The following DACH1 variants were observed in gnomAD, a reference collection of about 807,000 sequenced individuals.
The protein encoded by DACH1 is dachshund family transcription factor 1.
In DACH1, 12 loss-of-function variants were observed where a neutral mutation model predicts 54.2. The ratio of observed to expected loss-of-function variants is 0.22; its 90% CI spans 0.14 to 0.36. The LOEUF is 0.36. Among genes scored for constraint, DACH1 ranks in the 10% least tolerant of loss-of-function variants. The pLI is 1.00. For missense variants in DACH1, 805 were observed against 929.8 expected, an observed-to-expected ratio of 0.87 and a Z score of 1.75; for synonymous variants, 386 against 366.2, an observed-to-expected ratio of 1.05 and a Z score of -0.62.
intron 1 of DACH1, among the ~76,000 whole-genome samples, chr13:71,815,977 C>G (rs1429325500): frequency 6.6e-6 from 1 of 151,480 alleles, no homozygotes; most frequent in African/African-American, 2.4e-5. Context: ...CCCAGCTACT[C>G]GGGAGGCTGA....
At chr13:71,636,306 A>G (rs1455434475) in intron 2 of DACH1, among the ~76,000 whole-genome samples, 1 of 152,160 alleles carries the variant, frequency 6.6e-6, no homozygotes, top group African/African-American at 2.4e-5. Flanking sequence ...AAGGAAGTCT[A>G]AATTTTATTT....
At chr13:71,615,373 T>C (rs1022651554) in intron 3 of DACH1, among the ~76,000 whole-genome samples, 1 of 152,202 alleles carries the variant, frequency 6.6e-6, no homozygotes, top group African/African-American at 2.4e-5. Context: ...ACCAAGCTTA[T>C]TAAGGGCTAA....
chr13:71,461,541 G>A (rs1467540936), intron 10 of DACH1, among the ~76,000 whole-genome samples: 1 of 151,986 alleles, frequency 6.6e-6, no homozygotes, highest in Non-Finnish European at 1.5e-5. Flanking sequence ...TGTATTTGGA[G>A]TTCCTTTAGA....
intron 4 of DACH1, among the ~76,000 whole-genome samples, chr13:71,568,174 G>C (rs1885002373): frequency 6.6e-6 from 1 of 151,872 alleles, no homozygotes; most frequent in African/African-American, 2.4e-5. Flanking sequence ...TCAATGGAAT[G>C]GAAACTAAAA....
intron 1 of DACH1, among the ~76,000 whole-genome samples, chr13:71,835,963 G>A (rs556516463): frequency 1.3e-5 from 2 of 152,102 alleles, no homozygotes; most frequent in Admixed American, 6.6e-5. Flanking sequence ...CAAGTGAATG[G>A]TAATCACTGC....
At chr13:71,657,062 A>C (rs1295924430) in intron 2 of DACH1, among the ~76,000 whole-genome samples, 1 of 150,362 alleles carries the variant, frequency 6.7e-6, no homozygotes, top group Non-Finnish European at 1.5e-5. Context: ...GTGCATATAC[A>C]TATCAAACAA....
At chr13:71,714,312 G>A (rs1286163820) in intron 1 of DACH1, among the ~76,000 whole-genome samples, 2 of 151,656 alleles carry the variant, frequency 1.3e-5, no homozygotes, top group Non-Finnish European at 2.9e-5. Flanking sequence ...TTAACAGAAC[G>A]AAGAAACGGG....
In DACH1 at chr13:71,768,942, T is replaced by G. The variant is rs565295176; in HGVS notation, c.849-87032A>C. The stretch of plus-strand genomic sequence containing the variant: ...TGTGATACTATTTCCTTTGCTACAA[T>G]TTTCATCTGTATTACACTACTTTAT... On this transcript the variant is annotated intron_variant, in intron 1 of 10. Transcript: ENST00000613252. Among the ~76,000 whole-genome samples the G allele has an allele frequency of 2.6e-5, 4 of 151,970 alleles. No homozygotes were observed. The South Asian group carries it at 8.3e-4, about 32-fold the overall frequency.
At chr13:71,679,645 A>T (rs1334277849) in intron 2 of DACH1, among the ~76,000 whole-genome samples, 1 of 151,986 alleles carries the variant, frequency 6.6e-6, no homozygotes, top group East Asian at 1.9e-4. Context: ...TGTCACAAAG[A>T]CTCTGAGGTC....
chr13:71,694,082 A>G (rs1391751538), intron 1 of DACH1, among the ~76,000 whole-genome samples: 1 of 152,214 alleles, frequency 6.6e-6, no homozygotes, highest in Non-Finnish European at 1.5e-5. Context: ...ATGAATGCAG[A>G]GGCAAGATGG....
chr13:71,459,278 T>C (rs1023517711), intron 10 of DACH1, among the ~76,000 whole-genome samples: 2 of 152,068 alleles, frequency 1.3e-5, no homozygotes, highest in Admixed American at 6.6e-5. Flanking sequence ...TCTTAAACTG[T>C]TCATAAGATA....
chr13:71,468,749 T>G (rs1876811386), intron 10 of DACH1, among the ~76,000 whole-genome samples: 1 of 152,228 alleles, frequency 6.6e-6, no homozygotes, highest in African/African-American at 2.4e-5. Flanking sequence ...ATAAATTCAT[T>G]ACATGTTAAG....
intron 10 of DACH1, among the ~76,000 whole-genome samples, chr13:71,463,609 A>T (rs1876299283): frequency 6.6e-6 from 1 of 151,924 alleles, no homozygotes; most frequent in African/African-American, 2.4e-5. Context: ...AGTCCAAGTG[A>T]CTTACATCTA....
At chr13:71,568,377 T>G (rs1205216014) in intron 4 of DACH1, among the ~76,000 whole-genome samples, 1 of 151,966 alleles carries the variant, frequency 6.6e-6, no homozygotes, top group Non-Finnish European at 1.5e-5. Flanking sequence ...GTCTCTTCAT[T>G]GCACAATTCA....
At chr13:71,644,605 T>G (rs1015785762) in intron 2 of DACH1, among the ~76,000 whole-genome samples, 1 of 152,200 alleles carries the variant, frequency 6.6e-6, no homozygotes, top group African/African-American at 2.4e-5. Context: ...GAGCTGGCTC[T>G]GTACTAACGG....
intron 6 of DACH1, among the ~76,000 whole-genome samples, chr13:71,520,239 C>A (rs1422301600): frequency 6.6e-6 from 1 of 151,342 alleles, no homozygotes; most frequent in Non-Finnish European, 1.5e-5. Context: ...TAAAATGGTA[C>A]CATCTTCAGA....
chr13:71,654,255 C>T (rs368488374), intron 2 of DACH1, among the ~76,000 whole-genome samples: 22 of 150,954 alleles, frequency 1.5e-4, no homozygotes, highest in South Asian at 1.3e-3. Flanking sequence ...CCGGGTGTGG[C>T]GGAGCACACC....
At chr13:71,686,657 C>T (rs912405923) in intron 1 of DACH1, among the ~76,000 whole-genome samples, 4 of 152,136 alleles carry the variant, frequency 2.6e-5, no homozygotes, top group African/African-American at 7.2e-5. Context: ...TTTTGTTAAT[C>T]TCTTCAGTAG....
chr13:71,731,840 G>C (rs1192465744), intron 1 of DACH1, among the ~76,000 whole-genome samples: 1 of 152,130 alleles, frequency 6.6e-6, no homozygotes, highest in Non-Finnish European at 1.5e-5. Flanking sequence ...TTATTTTAAG[G>C]ATCCAATGGA....
Sources: gnomAD v4.1 joint callset for allele counts (sites outside exome capture counted in the v4.1 genomes callset) on GRCh38, gnomAD v4.1.1 for gene constraint, MANE v1.5 for transcripts, NCBI Gene and HGNC (gene_info 2026-07-23, HGNC 2026-07-21) for gene names.